NTNG1: variants seen among roughly 807,000 people sequenced by gnomAD.
The protein encoded by NTNG1 is netrin-G1.
A neutral mutation model predicts 54.0 loss-of-function variants in NTNG1; 16 were observed. The ratio of observed to expected loss-of-function variants is 0.30; its 90% CI spans 0.20 to 0.45. The LOEUF is 0.45. Ranked by LOEUF, NTNG1 falls within the 20% of genes least tolerant of loss-of-function variation. The pLI, the probability that NTNG1 is intolerant of heterozygous loss-of-function variation, is 1.00. For synonymous variants in NTNG1, 255 were observed against 263.1 expected (o/e 0.97, Z 0.30); for missense variants, 530 against 678.7 (o/e 0.78, Z 2.43).
chr1:107,195,337 A>G (rs1291833018), intron 2 of NTNG1, among the ~76,000 whole-genome samples: 3 of 151,946 alleles, frequency 2.0e-5, no homozygotes, highest in Non-Finnish European at 2.9e-5. Flanking sequence ...TCCTGCTCCT[A>G]GTCATCATCA....
At chr1:107,167,713 T>G (rs537442554) in intron 2 of NTNG1, among the ~76,000 whole-genome samples, 1 of 152,182 alleles carries the variant, frequency 6.6e-6, no homozygotes, top group Admixed American at 6.6e-5. Context: ...AGGCACTGTC[T>G]TAAATGCCTA....
intron 3 of NTNG1, among the ~76,000 whole-genome samples, chr1:107,337,686 C>T (rs1275670385): frequency 3.3e-5 from 5 of 151,946 alleles, no homozygotes; most frequent in African/African-American, 9.7e-5. Context: ...CAAAGTAAAA[C>T]ACAGAAATTC....
chr1:107,323,425 A>C (rs1224507396), intron 2 of NTNG1, among the ~76,000 whole-genome samples: 1 of 152,126 alleles, frequency 6.6e-6, no homozygotes, highest in Non-Finnish European at 1.5e-5. Context: ...GAATGTCTGT[A>C]AAGGAAGTAG....
At chr1:107,222,555 G>T (rs187464125) in intron 2 of NTNG1, among the ~76,000 whole-genome samples, 1 of 152,286 alleles carries the variant, frequency 6.6e-6, no homozygotes, top group East Asian at 1.9e-4. Flanking sequence ...TTTGCTGCTA[G>T]TAGTCACAAT....
At chr1:107,315,125 T>A (rs1667262893) in intron 2 of NTNG1, among the ~76,000 whole-genome samples, 1 of 152,224 alleles carries the variant, frequency 6.6e-6, no homozygotes, top group South Asian at 2.1e-4. Context: ...AGAAGCCTGC[T>A]TTTTATCACT....
At chr1:107,372,869 CTTA>C (rs1275924360) in intron 3 of NTNG1, among the ~76,000 whole-genome samples, 10 of 151,918 alleles carry the variant, frequency 6.6e-5, no homozygotes, top group Admixed American at 2.0e-4. Flanking sequence ...CAGTTAAATC[CTTA>C]TTATAATTAA....
At chr1:107,212,408 C>T (rs1431688844) in intron 2 of NTNG1, among the ~76,000 whole-genome samples, 1 of 151,986 alleles carries the variant, frequency 6.6e-6, no homozygotes, top group Non-Finnish European at 1.5e-5. Context: ...GAAATGACTC[C>T]CGGAAAGATT....
At chr1:107,213,741 A>G (rs999189498) in intron 2 of NTNG1, among the ~76,000 whole-genome samples, 3 of 152,188 alleles carry the variant, frequency 2.0e-5, no homozygotes, top group African/African-American at 7.2e-5. Flanking sequence ...GAAGAAGCTA[A>G]TAAACAAATA....
At chr1:107,397,796 C>A (rs1259665543) in intron 4 of NTNG1, among the ~76,000 whole-genome samples, 1 of 151,620 alleles carries the variant, frequency 6.6e-6, no homozygotes, top group African/African-American at 2.4e-5. Flanking sequence ...ATTTCTTCCC[C>A]AGATTAACCA....
chr1:107,384,154 T>G (rs756329048), intron 3 of NTNG1, among the ~76,000 whole-genome samples: 2 of 152,158 alleles, frequency 1.3e-5, no homozygotes, highest in Non-Finnish European at 2.9e-5. Context: ...TATCTCAAAC[T>G]TATAAGCTCC....
chr1:107,360,741 G>A lies in NTNG1; in HGVS notation c.888-34413G>A, dbSNP rs1293841409. Among the ~76,000 whole-genome samples, 4 of 152,266 alleles carry A rather than the reference G, an allele frequency of 2.6e-5. No homozygotes were observed. In the East Asian group the frequency reaches 7.7e-4, roughly 29 times the overall value. On this transcript the variant is annotated intron_variant, in intron 3 of 7. Coordinates refer to ENST00000370068, the MANE Select transcript of NTNG1 (RefSeq NM_001113226.3). ...AAAGCATTTAAGTAGCAACTAATATGTGCACATCCTATGCTAAGCCCTGTT... is the reference window on the plus strand; with the variant it reads ...AAAGCATTTAAGTAGCAACTAATATATGCACATCCTATGCTAAGCCCTGTT...
rs566816687 is a variant in NTNG1 at position 107,161,418 on chromosome 1, TGGGAGGCTGAGGCA to T, written c.246+12582_246+12595del. Among the ~76,000 whole-genome samples the T allele has an allele frequency of 4.4e-3, 674 of 152,248 alleles. 3 individuals are homozygous for T. The highest frequency in any genetic ancestry group is 0.01 in the Middle Eastern group (3 of 294). ...GCTCATGCCTGTAATCCCAGCACTT[TGGGAGGCTGAGGCA>T]GGAGGATTACTTGAGGTCAGGAGTT... On this transcript the variant is annotated intron_variant, in intron 2 of 7. Coordinates refer to ENST00000370068, the MANE Select transcript of NTNG1 (RefSeq NM_001113226.3).
At chr1:107,355,581 A>G (rs1287788832) in intron 3 of NTNG1, among the ~76,000 whole-genome samples, 2 of 152,126 alleles carry the variant, frequency 1.3e-5, no homozygotes, top group Non-Finnish European at 2.9e-5. Flanking sequence ...ATATTTGTTC[A>G]TTTTTAACCA....
At chr1:107,456,380 G>T (rs1376165445) in intron 7 of NTNG1, among the ~76,000 whole-genome samples, 1 of 152,166 alleles carries the variant, frequency 6.6e-6, no homozygotes, top group African/African-American at 2.4e-5. Flanking sequence ...ATCTTTTGAA[G>T]AGAGAGTGGG....
Position 107,234,907 on chromosome 1 carries a change from G to A in NTNG1, c.246+86068G>A, listed in dbSNP as rs79328038. On this transcript the variant is annotated intron_variant, in intron 2 of 7. Coordinates refer to ENST00000370068, the MANE Select transcript of NTNG1 (RefSeq NM_001113226.3). ...ACAAGGGGACAGGATACAGAAAGAT[G>A]GGGCAAGACCTCCAGCAGAGTATCA... Among the ~76,000 whole-genome samples, 1,288 of 152,262 alleles carry A rather than the reference G, an allele frequency of 8.5e-3. 13 individuals carry two copies. The highest frequency in any genetic ancestry group is 0.011 in the Non-Finnish European group (750 of 68,016).
chr1:107,272,139 C>A (rs1664187487), intron 2 of NTNG1, among the ~76,000 whole-genome samples: 1 of 152,028 alleles, frequency 6.6e-6, no homozygotes. Context: ...CAATACCATG[C>A]TTTTGCAAAT....
At chr1:107,274,728 A>G (rs889610565) in intron 2 of NTNG1, among the ~76,000 whole-genome samples, 1 of 152,242 alleles carries the variant, frequency 6.6e-6, no homozygotes, top group South Asian at 2.1e-4. Context: ...CTCCCACTAC[A>G]GACAGATTGT....
At chr1:107,398,020 G>C (rs966147148) in intron 4 of NTNG1, among the ~76,000 whole-genome samples, 5 of 151,940 alleles carry the variant, frequency 3.3e-5, no homozygotes, top group Admixed American at 1.3e-4. Flanking sequence ...TACGTTACAA[G>C]TCAGTTATCT....
At chr1:107,421,110 G>T in intron 5 of NTNG1, 2 of 1,610,108 alleles carry the variant, frequency 1.2e-6, no homozygotes, top group Non-Finnish European at 1.7e-6. Context: ...TTTGTCAACA[G>T]TTTCTTCTGT....
Sources: allele counts gnomAD v4.1 joint callset (sites outside exome capture counted in the v4.1 genomes callset), GRCh38; gene constraint gnomAD v4.1.1; transcripts MANE v1.5; gene names NCBI Gene and HGNC (gene_info 2026-07-23, HGNC 2026-07-21).